DLG2: variants seen among roughly 807,000 people sequenced by gnomAD.
The protein encoded by DLG2 is disks large homolog 2.
Under a neutral mutation model 132.5 loss-of-function variants are expected in DLG2, and 45 were observed. The ratio of observed to expected loss-of-function variants is 0.34; its 90% confidence interval spans 0.27 to 0.44. The LOEUF (loss-of-function observed/expected upper bound fraction) is 0.44. Ranked by LOEUF, DLG2 falls within the 20% of genes least tolerant of loss-of-function variation. DLG2 has a pLI of 1.00. For missense variants in DLG2, 1,045 were observed against 1,196.9 expected, an observed-to-expected ratio of 0.87 and a Z score of 1.87; for synonymous variants, 424 against 419.6, an observed-to-expected ratio of 1.01 and a Z score of -0.13.
At chr11:83,682,246 C>T (rs936421959) in intron 18 of DLG2, 1 of 985,292 alleles carries the variant, frequency 1.0e-6, no homozygotes, top group Admixed American at 6.2e-5. Context: ...GTTCTCCTGT[C>T]TGCTGTCCGG....
At chr11:84,893,409 G>T (rs1238306788) in intron 6 of DLG2, among the ~76,000 whole-genome samples, 1 of 152,194 alleles carries the variant, frequency 6.6e-6, no homozygotes, top group Non-Finnish European at 1.5e-5. Context: ...TGGCTTAAAA[G>T]CATGTGCTAA....
At chr11:84,279,788 T>G (rs1011607682) in intron 7 of DLG2, among the ~76,000 whole-genome samples, 9 of 152,124 alleles carry the variant, frequency 5.9e-5, no homozygotes, top group African/African-American at 2.2e-4. Context: ...GAGGGGAACA[T>G]CACACACTGG....
chr11:84,166,725 C>G (rs191863519), intron 8 of DLG2: 2 of 331,976 alleles, frequency 6.0e-6, no homozygotes, highest in Admixed American at 7.6e-5. Context: ...TCACCCCTAA[C>G]CATAATCTTG....
intron 7 of DLG2, among the ~76,000 whole-genome samples, chr11:84,280,546 T>C (rs1195989422): frequency 6.6e-6 from 1 of 151,896 alleles, no homozygotes; most frequent in Non-Finnish European, 1.5e-5. Flanking sequence ...TGGGATTATA[T>C]AAAACTGATT....
chr11:84,246,405 G>A (rs2097302666), intron 8 of DLG2, among the ~76,000 whole-genome samples: 1 of 152,134 alleles, frequency 6.6e-6, no homozygotes, highest in Non-Finnish European at 1.5e-5. Context: ...TCCTGGTATA[G>A]TAGTTTCTGT....
intron 3 of DLG2, among the ~76,000 whole-genome samples, chr11:85,586,733 G>A (rs1591050715): frequency 6.6e-6 from 1 of 151,868 alleles, no homozygotes; most frequent in African/African-American, 2.4e-5. Flanking sequence ...TATTTTTTCT[G>A]TTAGGTTTGG....
intron 18 of DLG2, among the ~76,000 whole-genome samples, chr11:83,746,078 C>T (rs955356782): frequency 1.3e-5 from 2 of 152,156 alleles, no homozygotes; most frequent in African/African-American, 4.8e-5. Flanking sequence ...CAGGAAACAA[C>T]AGGTGCTGGA....
At chr11:84,524,047 G>A (rs1268332504) in intron 7 of DLG2, among the ~76,000 whole-genome samples, 1 of 152,102 alleles carries the variant, frequency 6.6e-6, no homozygotes, top group African/African-American at 2.4e-5. Flanking sequence ...CACATTGGAA[G>A]AAGAAGAATT....
intron 4 of DLG2, among the ~76,000 whole-genome samples, chr11:85,201,324 G>A (rs191558965): frequency 9.3e-4 from 141 of 152,174 alleles, no homozygotes; most frequent in African/African-American, 3.2e-3. Flanking sequence ...TCTGGAGAGG[G>A]CTGAGTCTCA....
At chr11:85,160,404 C>T (rs528832249) in intron 4 of DLG2, among the ~76,000 whole-genome samples, 1 of 152,282 alleles carries the variant, frequency 6.6e-6, no homozygotes, top group South Asian at 2.1e-4. Context: ...GCAGAGGCTT[C>T]TAGGATTTTG....
At chr11:84,545,013 T>C (rs564348011) in intron 6 of DLG2, 17 of 425,082 alleles carry the variant, frequency 4.0e-5, no homozygotes, top group South Asian at 3.0e-4. Context: ...AAACATGTTT[T>C]CTTTGTAGCA....
At chr11:84,062,286 G>A (rs1366669847) in intron 10 of DLG2, among the ~76,000 whole-genome samples, 6 of 152,126 alleles carry the variant, frequency 3.9e-5, no homozygotes. Context: ...ACCACGGTGA[G>A]GCCACTTTAT....
chr11:83,735,372 C>G (rs1335231533), intron 18 of DLG2, among the ~76,000 whole-genome samples: 1 of 152,202 alleles, frequency 6.6e-6, no homozygotes, highest in African/African-American at 2.4e-5. Flanking sequence ...ACTGCACAGG[C>G]AGAGAGGTGG....
At chr11:84,219,863 CTG>C in intron 8 of DLG2, among the ~76,000 whole-genome samples, 1 of 152,302 alleles carries the variant, frequency 6.6e-6, no homozygotes, top group African/African-American at 2.4e-5. Flanking sequence ...AGTTGCTCCT[CTG>C]TGTTATATAC....
intron 6 of DLG2, among the ~76,000 whole-genome samples, chr11:85,036,607 C>A (rs1452637876): frequency 6.6e-6 from 1 of 152,068 alleles, no homozygotes; most frequent in Non-Finnish European, 1.5e-5. Context: ...CTATAATAAC[C>A]AGTAACAACT....
chr11:84,633,961 T>G (rs1038138967), intron 6 of DLG2, among the ~76,000 whole-genome samples: 3 of 152,202 alleles, frequency 2.0e-5, no homozygotes, highest in African/African-American at 7.2e-5. Context: ...TGGAACAGGA[T>G]AATGGGGAGA....
intron 15 of DLG2, among the ~76,000 whole-genome samples, chr11:83,900,370 T>A (rs12295931): frequency 2.0e-5 from 3 of 152,100 alleles, no homozygotes; most frequent in African/African-American, 7.2e-5. Flanking sequence ...GAAATGTCTC[T>A]AGGGCATGTC....
intron 3 of DLG2, among the ~76,000 whole-genome samples, chr11:85,307,880 C>T (rs1353532309): frequency 2.6e-5 from 4 of 152,102 alleles, no homozygotes; most frequent in East Asian, 1.9e-4. Context: ...AGAGGCTGGG[C>T]GCGGTGGCTC....
chr11:83,887,054 C>T (rs1464088670), intron 15 of DLG2, among the ~76,000 whole-genome samples: 1 of 152,052 alleles, frequency 6.6e-6, no homozygotes, highest in African/African-American at 2.4e-5. Context: ...AAAGCAAGAG[C>T]AAACACATTT....
Sources: allele counts gnomAD v4.1 joint callset (sites outside exome capture counted in the v4.1 genomes callset), GRCh38; gene constraint gnomAD v4.1.1; transcripts MANE v1.5; gene names NCBI Gene and HGNC (gene_info 2026-07-23, HGNC 2026-07-21).